FHIT: variants seen among roughly 807,000 people sequenced by gnomAD.
FHIT encodes the protein fragile histidine triad diadenosine triphosphatase.
Under a neutral mutation model 17.9 loss-of-function variants are expected in FHIT, and 19 were observed. The observed-to-expected ratio is 1.06, with a 90% CI of 0.74 to 1.56. FHIT has a LOEUF of 1.56. FHIT is among the 40% of genes most tolerant of loss of function. The pLI, the probability that FHIT is intolerant of heterozygous loss-of-function variation, is 0.00. For missense variants in FHIT, 248 were observed against 189.2 expected, an observed-to-expected ratio of 1.31 and a Z score of -1.82; for synonymous variants, 81 against 69.7, an observed-to-expected ratio of 1.16 and a Z score of -0.81.
chr3:60,487,652 C>T (rs755826520), intron 5 of FHIT, among the ~76,000 whole-genome samples: 11 of 152,184 alleles, frequency 7.2e-5, no homozygotes, highest in Non-Finnish European at 1.5e-4. Context: ...TCCTGCAGTG[C>T]CTGACTATCT....
intron 5 of FHIT, among the ~76,000 whole-genome samples, chr3:60,075,776 A>G (rs77907438): frequency 1.9e-3 from 294 of 152,226 alleles, no homozygotes; most frequent in Non-Finnish European, 2.7e-3. Context: ...ACTAAAGAGA[A>G]TAGTTTTCTT....
intron 7 of FHIT, among the ~76,000 whole-genome samples, chr3:59,982,192 G>A (rs542021638): frequency 6.6e-6 from 1 of 152,220 alleles, no homozygotes; most frequent in South Asian, 2.1e-4. Context: ...TGAGAGTGAG[G>A]AAGATGGGGC....
chr3:60,064,412 C>A (rs1702414785), intron 5 of FHIT, among the ~76,000 whole-genome samples: 1 of 152,184 alleles, frequency 6.6e-6, no homozygotes, highest in Non-Finnish European at 1.5e-5. Context: ...ACCTTGTCCA[C>A]CACTGCCATC....
chr3:60,000,110 C>A (rs1699670455), intron 7 of FHIT, among the ~76,000 whole-genome samples: 1 of 152,292 alleles, frequency 6.6e-6, no homozygotes, highest in African/African-American at 2.4e-5. Flanking sequence ...TGTTCATAAG[C>A]AGTAGTGGAG....
At chr3:60,774,200 A>C (rs782431383) in intron 4 of FHIT, among the ~76,000 whole-genome samples, 12 of 152,334 alleles carry the variant, frequency 7.9e-5, no homozygotes, top group Admixed American at 3.9e-4. Context: ...TGCACAGGGA[A>C]TATGTTCCAA....
At chr3:59,752,707 A>G (rs928984128) in intron 8 of FHIT, among the ~76,000 whole-genome samples, 1 of 151,946 alleles carries the variant, frequency 6.6e-6, no homozygotes, top group African/African-American at 2.4e-5. Flanking sequence ...GGGGGACCTT[A>G]TTGTTTAAAA....
chr3:59,821,379 GCCT>G (rs1349873150), intron 8 of FHIT, among the ~76,000 whole-genome samples: 1 of 152,212 alleles, frequency 6.6e-6, no homozygotes, highest in Non-Finnish European at 1.5e-5. Context: ...AGGATTTGGT[GCCT>G]CTTGTCAGTG....
chr3:60,650,941 G>GT (rs1416602366), intron 4 of FHIT, among the ~76,000 whole-genome samples: 2 of 151,992 alleles, frequency 1.3e-5, no homozygotes, highest in East Asian at 1.9e-4. Context: ...TTCCTTCTAG[G>GT]TTTTTTTCCT....
intron 4 of FHIT, among the ~76,000 whole-genome samples, chr3:60,719,151 G>T (rs1280223459): frequency 2.0e-5 from 3 of 152,150 alleles, no homozygotes; most frequent in Non-Finnish European, 2.9e-5. Context: ...TTAGTAAAGT[G>T]CCTTGGGATG....
At chr3:60,404,998 C>A (rs768128084) in intron 5 of FHIT, among the ~76,000 whole-genome samples, 2 of 152,166 alleles carry the variant, frequency 1.3e-5, no homozygotes, top group Non-Finnish European at 2.9e-5. Flanking sequence ...CTCAAATGAG[C>A]TAGAAAATTG....
chr3:60,741,450 G>A lies in FHIT; in HGVS notation c.-18+80469C>T, dbSNP rs542752707. Among the ~76,000 whole-genome samples the A allele has an allele frequency of 2.0e-5, 3 of 152,330 alleles. No individual in the cohort carries two copies. In the East Asian group the frequency reaches 5.8e-4, roughly 29 times the overall value. On this transcript the variant is annotated intron_variant, in intron 4 of 9. Transcript: ENST00000492590. Reference sequence around the variant, plus strand: ...TGCAGGTAAGGATGCCCTGAAGCAGGCTGTCAAGAAAACTGACCAATGAGA... The same window carrying A: ...TGCAGGTAAGGATGCCCTGAAGCAGACTGTCAAGAAAACTGACCAATGAGA...
intron 2 of FHIT, among the ~76,000 whole-genome samples, chr3:61,054,915 G>A (rs1187385554): frequency 6.6e-6 from 1 of 152,106 alleles, no homozygotes; most frequent in Non-Finnish European, 1.5e-5. Context: ...CCTTGTACAT[G>A]CTATTCCTCT....
chr3:59,835,488 C>G (rs1701309203), intron 8 of FHIT, among the ~76,000 whole-genome samples: 1 of 152,072 alleles, frequency 6.6e-6, no homozygotes, highest in Non-Finnish European at 1.5e-5. Flanking sequence ...GCTGAAGCTA[C>G]AATTTGTTGA....
intron 4 of FHIT, among the ~76,000 whole-genome samples, chr3:60,750,826 G>A (rs549126803): frequency 3.3e-5 from 5 of 152,206 alleles, no homozygotes; most frequent in South Asian, 4.2e-4. Flanking sequence ...CTCTTATTCC[G>A]GAGTAGTGGA....
At chr3:60,070,851 T>C (rs1702737575) in intron 5 of FHIT, among the ~76,000 whole-genome samples, 1 of 152,226 alleles carries the variant, frequency 6.6e-6, no homozygotes, top group African/African-American at 2.4e-5. Flanking sequence ...GGATGGCATT[T>C]GTCTTACCTT....
At chr3:61,224,404 CTATTT>C (rs559158415) in intron 1 of FHIT, among the ~76,000 whole-genome samples, 2 of 151,964 alleles carry the variant, frequency 1.3e-5, no homozygotes, top group African/African-American at 2.4e-5. Flanking sequence ...GCTTATGTTA[CTATTT>C]TATTTTATTT....
chr3:60,726,204 A>G (rs782233013), intron 4 of FHIT, among the ~76,000 whole-genome samples: 1 of 152,204 alleles, frequency 6.6e-6, no homozygotes, highest in Non-Finnish European at 1.5e-5. Flanking sequence ...ATCACTCAAG[A>G]TATCAATCAA....
At chr3:59,949,836 T>C (rs1377046560) in intron 7 of FHIT, among the ~76,000 whole-genome samples, 1 of 152,228 alleles carries the variant, frequency 6.6e-6, no homozygotes, top group Admixed American at 6.5e-5. Context: ...ATTTAATTAG[T>C]GAGAATTGCT....
chr3:60,216,656 G>A (rs963866676), intron 5 of FHIT, among the ~76,000 whole-genome samples: 5 of 152,058 alleles, frequency 3.3e-5, no homozygotes, highest in African/African-American at 9.7e-5. Context: ...CCTATAGCTC[G>A]CACTTAAACA....
Sources: allele counts gnomAD v4.1 joint callset (sites outside exome capture counted in the v4.1 genomes callset), GRCh38; gene constraint gnomAD v4.1.1; transcripts MANE v1.5; gene names NCBI Gene and HGNC (gene_info 2026-07-23, HGNC 2026-07-21).